CAPSL: variants seen among roughly 807,000 people sequenced by gnomAD.
CAPSL encodes the protein calcyphosine like.
In CAPSL, 17 loss-of-function variants were observed where a neutral mutation model predicts 21.3. That is an observed-to-expected ratio of 0.80 (90% CI 0.55 to 1.20). CAPSL has a LOEUF of 1.20. CAPSL is among the 50% of genes most tolerant of loss of function. The pLI is 0.00. For missense variants in CAPSL, 289 were observed against 259.3 expected, an observed-to-expected ratio of 1.11 and a Z score of -0.79; for synonymous variants, 102 against 89.3, an observed-to-expected ratio of 1.14 and a Z score of -0.80.
intron 1 of CAPSL, among the ~76,000 whole-genome samples, chr5:35,930,108 AC>A (rs1738783911): frequency 6.6e-6 from 1 of 152,104 alleles, no homozygotes; most frequent in African/African-American, 2.4e-5. Context: ...ACTTCCACAT[AC>A]CACATAAAGT....
chr5:35,913,251 T>G (rs193275890), intron 2 of CAPSL, among the ~76,000 whole-genome samples: 36 of 152,308 alleles, frequency 2.4e-4, no homozygotes, highest in African/African-American at 8.7e-4. Context: ...CTGAAAGTGA[T>G]GGGGAGAAAG....
chr5:35,908,850 C>T (rs1160248839), intron 4 of CAPSL, among the ~76,000 whole-genome samples: 1 of 152,176 alleles, frequency 6.6e-6, no homozygotes, highest in African/African-American at 2.4e-5. Flanking sequence ...TGAGACTCAT[C>T]ATGAAGTTTC....
At chr5:35,924,085 A>C (rs1465482699) in intron 1 of CAPSL, among the ~76,000 whole-genome samples, 1 of 152,228 alleles carries the variant, frequency 6.6e-6, no homozygotes, top group Non-Finnish European at 1.5e-5. Flanking sequence ...GTTAAAAAAG[A>C]AAAACAAGCC....
chr5:35,912,108 C>T (rs1313126954), intron 2 of CAPSL, among the ~76,000 whole-genome samples: 1 of 152,230 alleles, frequency 6.6e-6, no homozygotes, highest in Non-Finnish European at 1.5e-5. Flanking sequence ...GGGCCTCACT[C>T]ATTGCCAGCA....
At chr5:35,914,803 G>C (rs1412422985) in intron 2 of CAPSL, among the ~76,000 whole-genome samples, 3 of 152,306 alleles carry the variant, frequency 2.0e-5, no homozygotes, top group South Asian at 4.1e-4. Context: ...AAAAGAACTA[G>C]AGAAGCAAGA....
chr5:35,916,840 G>A (rs1278778881), intron 2 of CAPSL, among the ~76,000 whole-genome samples: 1 of 152,284 alleles, frequency 6.6e-6, no homozygotes, highest in Non-Finnish European at 1.5e-5. Context: ...AAAAGCAATG[G>A]CGACAAAAGC....
At chr5:35,934,818 T>C (rs961954517) in intron 1 of CAPSL, among the ~76,000 whole-genome samples, 12 of 152,226 alleles carry the variant, frequency 7.9e-5, no homozygotes, top group African/African-American at 1.2e-4. Flanking sequence ...CTGTGAATTG[T>C]CCTTCATTAA....
rs116114453 is a variant in CAPSL at position 35,907,688 on chromosome 5, G to A, written c.525+2178C>T. Among the ~76,000 whole-genome samples, 259 of 152,262 alleles carry A rather than the reference G, an allele frequency of 1.7e-3. 1 individual carries two copies. The highest frequency in any genetic ancestry group is 3.1e-3 in the Non-Finnish European group (211 of 68,032). On this transcript the variant is annotated intron_variant, in intron 4 of 4. Transcript: ENST00000651391. ...TTGAGAGTTTAACCTAGATTATCAA[G>A]TTTGAACATTACCTTTAGCTAGGAG...
intron 3 of CAPSL, 77 bp from the exon 4 acceptor site, chr5:35,910,152 C>G: frequency 8.1e-7 from 1 of 1,234,942 alleles, no homozygotes; most frequent in South Asian, 1.5e-5. Flanking sequence ...GATAAAATAT[C>G]TCATTCCCCT....
chr5:35,920,893 A>G, intron 2 of CAPSL, 91 bp downstream of exon 2: 1 of 1,370,980 alleles, frequency 7.3e-7, no homozygotes, highest in South Asian at 1.3e-5. Flanking sequence ...GGAGGAGATG[A>G]CTTCCCCAAG....
At chr5:35,914,997 A>G (rs1380904416) in intron 2 of CAPSL, among the ~76,000 whole-genome samples, 1 of 152,338 alleles carries the variant, frequency 6.6e-6, no homozygotes, top group South Asian at 2.1e-4. Flanking sequence ...AGAAGAATCA[A>G]ATAGACACAA....
At chr5:35,914,528 T>G (rs1262342345) in intron 2 of CAPSL, among the ~76,000 whole-genome samples, 1 of 152,052 alleles carries the variant, frequency 6.6e-6, no homozygotes, top group East Asian at 1.9e-4. Flanking sequence ...CACAGTGCAA[T>G]CAAACTAGAA....
Position 35,914,445 on chromosome 5 carries a change from C to T in CAPSL, c.138-3902G>A, listed in dbSNP as rs61710272. On this transcript the variant is annotated intron_variant, in intron 2 of 4. Transcript: ENST00000651391. The stretch of plus-strand genomic sequence containing the variant: ...CACACCACACCTATTCCAAAATTGA[C>T]CACATAATTGGAAGTAAAACACTCC... Among the ~76,000 whole-genome samples, 835 of 152,166 alleles carry T rather than the reference C, an allele frequency of 5.5e-3. 8 individuals are homozygous for T. Among genetic ancestry groups the T allele is most frequent in the African/African-American group, 0.019 (795 of 41,522 alleles).
rs138306670 is a variant in CAPSL, at chr5:35,930,292, C to A, written c.-1+8249G>T. On this transcript the variant is annotated intron_variant, in intron 1 of 4. Transcript: ENST00000651391. ...CAGGTTTGTGTAGAGCCCATTTATG[C>A]TAAACCATAGTCTTTACTTCTTTCT... Among the ~76,000 whole-genome samples the A allele has an allele frequency of 2.9e-3, 436 of 152,302 alleles. 3 individuals carry two copies. The highest frequency in any genetic ancestry group is 0.01 in the African/African-American group (427 of 41,564).
intron 2 of CAPSL, among the ~76,000 whole-genome samples, chr5:35,917,341 C>T (rs1372808734): frequency 1.3e-5 from 2 of 152,136 alleles, no homozygotes; most frequent in African/African-American, 2.4e-5. Context: ...AGAAATATCA[C>T]TTGACCCAGC....
chr5:35,926,162 G>A (rs1165087861), intron 1 of CAPSL, among the ~76,000 whole-genome samples: 3 of 152,100 alleles, frequency 2.0e-5, no homozygotes, highest in East Asian at 1.9e-4. Context: ...GGACAGGCTA[G>A]CCAATAGGAG....
intron 2 of CAPSL, among the ~76,000 whole-genome samples, chr5:35,915,756 C>T (rs950480789): frequency 1.6e-4 from 24 of 152,228 alleles, no homozygotes; most frequent in South Asian, 4.2e-4. Context: ...GCCAGTATCA[C>T]ACTGAATCGG....
chr5:35,933,994 C>T (rs1315610120), intron 1 of CAPSL, among the ~76,000 whole-genome samples: 1 of 152,176 alleles, frequency 6.6e-6, no homozygotes, highest in Non-Finnish European at 1.5e-5. Flanking sequence ...GAGAAGCCAA[C>T]ACGTGGCCAT....
At chr5:35,920,946 T>TC in intron 2 of CAPSL, 38 bp downstream of exon 2, 1 of 1,606,646 alleles carries the variant, frequency 6.2e-7, no homozygotes, top group African/African-American at 1.3e-5. Flanking sequence ...AGTCATTCCT[T>TC]CCCGCTCCAT....
Sources: allele counts gnomAD v4.1 joint callset (sites outside exome capture counted in the v4.1 genomes callset), GRCh38; gene constraint gnomAD v4.1.1; transcripts MANE v1.5; gene names NCBI Gene and HGNC (gene_info 2026-07-23, HGNC 2026-07-21).